The following DMXL1 variants were observed in gnomAD, a reference collection of about 807,000 sequenced individuals.
DMXL1 encodes the protein dmX-like protein 1.
Under a neutral mutation model 319.2 loss-of-function variants are expected in DMXL1, and 99 were observed. That is an observed-to-expected ratio of 0.31 (90% CI 0.26 to 0.37). The LOEUF is 0.37. Ranked by LOEUF, DMXL1 falls within the 10% of genes least tolerant of loss-of-function variation. The probability of loss-of-function intolerance (pLI) is 1.00; values close to 1 mark genes in which losing one functional copy is unlikely to be tolerated. For synonymous variants in DMXL1, 1,385 were observed against 1,235.2 expected, an observed-to-expected ratio of 1.12 and a Z score of -2.54; for missense variants, 3,745 against 3,595.6, an observed-to-expected ratio of 1.04 and a Z score of -1.06.
chr5:119,093,155 A>G (rs1378044678), intron 1 of DMXL1, among the ~76,000 whole-genome samples: 1 of 152,048 alleles, frequency 6.6e-6, no homozygotes, highest in African/African-American at 2.4e-5. Flanking sequence ...TCTGTGTCGC[A>G]TTTTGGTAAT....
intron 7 of DMXL1, among the ~76,000 whole-genome samples, chr5:119,117,451 A>G (rs1394249969): frequency 6.6e-6 from 1 of 152,116 alleles, no homozygotes; most frequent in Admixed American, 6.6e-5. Flanking sequence ...GTTTTGAGCT[A>G]TAGTGTAGCT....
At chr5:119,086,363 T>C (rs1486058846) in intron 1 of DMXL1, among the ~76,000 whole-genome samples, 1 of 152,220 alleles carries the variant, frequency 6.6e-6, no homozygotes, top group Non-Finnish European at 1.5e-5. Context: ...ATATCACATA[T>C]GTTGAACCAT....
At chr5:119,192,123 C>G (rs1330438434) in intron 29 of DMXL1, among the ~76,000 whole-genome samples, 1 of 152,112 alleles carries the variant, frequency 6.6e-6, no homozygotes, top group Non-Finnish European at 1.5e-5. Context: ...TATCCTCACT[C>G]TTAATTGATG....
chr5:119,249,083 A>G lies in DMXL1; in HGVS notation c.*1864A>G, dbSNP rs906749853. 6.6e-6 allele frequency: 1 copy of G among 152,584 alleles called. No individual in the cohort carries two copies. Among genetic ancestry groups the G allele is most frequent in the Non-Finnish European group, 1.5e-5 (1 of 67,968 alleles). The allele number at this position is 152,584 out of a possible 1,614,324, so 9.5% of individuals were successfully genotyped here. On this transcript the variant is annotated 3_prime_UTR_variant, in exon 44 of 44. Coordinates refer to ENST00000539542, the MANE Select transcript of DMXL1 (RefSeq NM_001290321.3). ...ATTATGTAAGCCCATATGTATTTACATCCAGAGTCATAATATTTTAAATAA... is the reference window on the plus strand; with the variant it reads ...ATTATGTAAGCCCATATGTATTTACGTCCAGAGTCATAATATTTTAAATAA...
chr5:119,193,107 T>C (rs1007741596), intron 29 of DMXL1, among the ~76,000 whole-genome samples: 1 of 152,176 alleles, frequency 6.6e-6, no homozygotes, highest in Admixed American at 6.6e-5. Flanking sequence ...GTTTAGCTTT[T>C]CTCTCATAAG....
chr5:119,093,721 AAT>A (rs754060211), intron 1 of DMXL1, among the ~76,000 whole-genome samples: 47 of 152,154 alleles, frequency 3.1e-4, no homozygotes, highest in Non-Finnish European at 4.1e-4. Flanking sequence ...AGCTGTTGTA[AAT>A]GCAAAGGGAA....
intron 13 of DMXL1, among the ~76,000 whole-genome samples, chr5:119,142,242 A>G (rs1305498023): frequency 6.6e-6 from 1 of 152,134 alleles, no homozygotes; most frequent in Non-Finnish European, 1.5e-5. Context: ...CAATCATAAC[A>G]GAGTAAATAG....
chr5:119,122,246 G>A (rs1314001717), intron 9 of DMXL1, among the ~76,000 whole-genome samples: 9 of 137,914 alleles, frequency 6.5e-5, no homozygotes, highest in African/African-American at 1.6e-4. Context: ...CGGACGGGGC[G>A]GCTGGCTGGG....
In DMXL1 at chr5:119,149,787, G is replaced by T; in HGVS notation, c.3960G>T (p.Pro1320=). Residue 1320 remains proline, a synonymous_variant, in exon 18 of 44, where the codon CCG becomes CCT. Coordinates refer to ENST00000539542, the MANE Select transcript of DMXL1 (RefSeq NM_001290321.3). ...GLFEAAHVLS[P]TLPQYHPLQL... is the part of the protein sequence containing the mutation. ...TTGAAGCAGCTCATGTACTTTCCCC[G>T]ACTCTACCTCAGTATCATCCCTTGC... is the stretch of plus-strand genomic sequence containing the variant. The T allele has an allele frequency of 6.2e-7, 1 of 1,613,880 alleles. No homozygotes were observed. Among genetic ancestry groups the T allele is most frequent in the Non-Finnish European group, 8.5e-7 (1 of 1,179,920 alleles).
intron 1 of DMXL1, among the ~76,000 whole-genome samples, chr5:119,089,065 G>A (rs991299502): frequency 1.1e-4 from 17 of 151,060 alleles, no homozygotes; most frequent in African/African-American, 4.1e-4. Context: ...CTTAATGGTG[G>A]TGAATTTCGT....
At chr5:119,122,679 C>A (rs1217898513) in intron 9 of DMXL1, among the ~76,000 whole-genome samples, 3 of 151,720 alleles carry the variant, frequency 2.0e-5, no homozygotes, top group African/African-American at 7.3e-5. Flanking sequence ...CGCTGCCGGG[C>A]AGAGGCGCTC....
chr5:119,170,645 T>G lies in DMXL1; in HGVS notation c.5854T>G (p.Trp1952Gly). The G allele has an allele frequency of 6.2e-7, 1 of 1,613,812 alleles. No individual in the cohort carries two copies. Among genetic ancestry groups the G allele is most frequent in the South Asian group, 1.1e-5 (1 of 91,054 alleles). ...KQSNSTLSFD[W>G]SQPSVVFQDD... ...ATCAAACTCCACTCTTTCTTTTGAC[T>G]GGAGCCAACCAAGTGTTGTGTTTCA... The change falls in exon 24 of 44, where the codon TGG (tryptophan) becomes GGG (glycine). Residue 1952 changes from tryptophan (W) to glycine (G), a missense_variant. Around this residue, in one of 4 missense-constraint regions of DMXL1, gnomAD observed 1,382 missense variants for 1,269.5 expected, o/e 1.09. Transcript: ENST00000539542.
chr5:119,140,688 C>T (rs569742117), intron 13 of DMXL1, among the ~76,000 whole-genome samples: 1 of 152,258 alleles, frequency 6.6e-6, no homozygotes, highest in African/African-American at 2.4e-5. Flanking sequence ...CAAAGAAGAG[C>T]TGGTACCATT....
rs746670060 is a variant in DMXL1, at chr5:119,121,077, C to T, written c.1040C>T (p.Thr347Ile). 3 of 1,613,264 alleles carry T rather than the reference C, an allele frequency of 1.9e-6. No individual in the cohort carries two copies. The highest frequency in any genetic ancestry group is 2.2e-5 in the South Asian group (2 of 90,938). The change falls in exon 9 of 44, where the codon ACT (threonine) becomes ATT (isoleucine). Residue 347 changes from threonine to isoleucine, a missense_variant. Thr to Ile is a moderately conservative substitution (Grantham distance 89, BLOSUM62 -1). Around this residue, in one of 4 missense-constraint regions of DMXL1, gnomAD observed 2,096 missense variants for 1,985.4 expected, o/e 1.06. Coordinates refer to ENST00000539542, the MANE Select transcript of DMXL1 (RefSeq NM_001290321.3). ...GATCCTCATCATGTTCACAGGAACA[C>T]TCCACTGCATGCCAATGCACTTTGC... ...QQDPHHVHRNTPLHANALCHF... is the reference protein window; with the variant it reads ...QQDPHHVHRNIPLHANALCHF...
At chr5:119,083,673 T>C (rs1449931916) in intron 1 of DMXL1, among the ~76,000 whole-genome samples, 2 of 152,022 alleles carry the variant, frequency 1.3e-5, no homozygotes, top group Non-Finnish European at 2.9e-5. Flanking sequence ...TCGGAGTAGC[T>C]GGGATTACAG....
At chr5:119,140,824 A>G (rs6889308) in intron 13 of DMXL1, among the ~76,000 whole-genome samples, 7 of 152,008 alleles carry the variant, frequency 4.6e-5, no homozygotes, top group East Asian at 1.9e-4. Flanking sequence ...CTTTAGCCCA[A>G]TATCCTCTAT....
rs530365149 is a variant in DMXL1 at position 119,130,521 on chromosome 5, T to G, written c.1315+1098T>G. ...CCACACCTGGCTAATTTTTTTATTT[T>G]TAGTCAAGACAGGGTTTCACCATGT... On this transcript the variant is annotated intron_variant, in intron 10 of 43. Coordinates refer to ENST00000539542, the MANE Select transcript of DMXL1 (RefSeq NM_001290321.3). Among the ~76,000 whole-genome samples the G allele has an allele frequency of 4.6e-5, 7 of 152,254 alleles. No homozygotes were observed. In the South Asian group the frequency reaches 8.3e-4, roughly 18 times the overall value.
At chr5:119,119,751 T>C (rs1161497172) in intron 8 of DMXL1, among the ~76,000 whole-genome samples, 4 of 152,112 alleles carry the variant, frequency 2.6e-5, no homozygotes. Flanking sequence ...CCTCAAGTGA[T>C]CTACCTGCCT....
At chr5:119,184,398 A>G (rs547558355) in intron 28 of DMXL1, among the ~76,000 whole-genome samples, 5 of 152,290 alleles carry the variant, frequency 3.3e-5, no homozygotes, top group East Asian at 1.9e-4. Flanking sequence ...ACTGAGACCA[A>G]TCATGTGATC....
Sources: gnomAD v4.1 joint callset for allele counts (sites outside exome capture counted in the v4.1 genomes callset) on GRCh38, gnomAD v4.1.1 for gene constraint, gnomAD v4.1.1 regional missense constraint, MANE v1.5 for transcripts, NCBI Gene and HGNC (gene_info 2026-07-23, HGNC 2026-07-21) for gene names.